Variants in LUZP2 observed in about 807,000 individuals in gnomAD.
LUZP2 encodes the protein leucine zipper protein 2.
LUZP2 carries 52 observed loss-of-function variants against 51.6 expected under a neutral mutation model. The ratio of observed to expected loss-of-function variants is 1.01; its 90% CI spans 0.81 to 1.27. The LOEUF is 1.27. LUZP2 is among the 50% of genes most tolerant of loss of function. The pLI is 0.00. For missense variants in LUZP2, 436 were observed against 395.4 expected (o/e 1.10, Z -0.87); for synonymous variants, 154 against 137.3 (o/e 1.12, Z -0.85).
chr11:24,875,305 A>G (rs920932930), intron 5 of LUZP2, among the ~76,000 whole-genome samples: 11 of 145,524 alleles, frequency 7.6e-5, no homozygotes, highest in African/African-American at 2.8e-4. Flanking sequence ...TCCTGTGTCC[A>G]TGTGTTCTCA....
chr11:24,561,449 G>A (rs982678075), intron 1 of LUZP2, among the ~76,000 whole-genome samples: 1 of 151,986 alleles, frequency 6.6e-6, no homozygotes, highest in Non-Finnish European at 1.5e-5. Flanking sequence ...CTCAGTACAA[G>A]AACTAGAATT....
At chr11:24,956,729 G>A (rs1855223085) in intron 7 of LUZP2, among the ~76,000 whole-genome samples, 1 of 152,060 alleles carries the variant, frequency 6.6e-6, no homozygotes, top group African/African-American at 2.4e-5. Flanking sequence ...AGGCTGGGAA[G>A]TAGTGAGAAA....
intron 5 of LUZP2, among the ~76,000 whole-genome samples, chr11:24,792,802 T>A (rs995818712): frequency 6.6e-6 from 1 of 152,202 alleles, no homozygotes; most frequent in Admixed American, 6.5e-5. Context: ...ATCCACACCC[T>A]GGTTCTCCCT....
chr11:24,837,436 G>A (rs568600818), intron 5 of LUZP2, among the ~76,000 whole-genome samples: 5 of 151,542 alleles, frequency 3.3e-5, no homozygotes, highest in East Asian at 1.9e-4. Context: ...AGAATGCTGC[G>A]ATCTTTAACT....
Position 25,051,817 on chromosome 11 carries a change from C to A in LUZP2, c.858+1687C>A, listed in dbSNP as rs544735080. Among the ~76,000 whole-genome samples, 4 of 152,214 alleles carry A rather than the reference C, an allele frequency of 2.6e-5. No homozygotes were observed. In the South Asian group the frequency reaches 8.3e-4, roughly 32 times the overall value. ...CATAAAAACATGTTCTCATTGGAGG[C>A]AAAATAGAAAATTTATGTGTGGTTT... On this transcript the variant is annotated intron_variant, in intron 10 of 11. Transcript: ENST00000336930.
intron 1 of LUZP2, among the ~76,000 whole-genome samples, chr11:24,499,709 CT>C (rs1434435206): frequency 5.9e-5 from 9 of 152,140 alleles, no homozygotes; most frequent in Non-Finnish European, 1.2e-4. Context: ...TCTCACCTGT[CT>C]TTTATTGTCA....
chr11:25,020,711 C>T (rs7111742), intron 9 of LUZP2, among the ~76,000 whole-genome samples: 88,577 of 151,566 alleles, frequency 0.58, 27,072 homozygotes, highest in African/African-American at 0.77. Flanking sequence ...TTTGAATTCT[C>T]AGATTTTTTT....
Position 24,757,139 on chromosome 11 carries a change from A to G in LUZP2, c.334-6107A>G, listed in dbSNP as rs117794317. ...GAGAACATGTGTTTGTGTGTATATCATGAAGCTCTACAATTGATAATTTTA... is the reference window on the plus strand; with the variant it reads ...GAGAACATGTGTTTGTGTGTATATCGTGAAGCTCTACAATTGATAATTTTA... On this transcript the variant is annotated intron_variant, in intron 4 of 11. Transcript: ENST00000336930. Among the ~76,000 whole-genome samples the G allele has an allele frequency of 5.0e-3, 754 of 152,318 alleles. 4 individuals carry two copies. The highest frequency in any genetic ancestry group is 8.8e-3 in the Non-Finnish European group (596 of 68,032).
At chr11:25,003,962 T>A (rs541574133) in intron 9 of LUZP2, among the ~76,000 whole-genome samples, 200 of 152,324 alleles carry the variant, frequency 1.3e-3, no homozygotes, top group African/African-American at 4.7e-3. Context: ...TTACAGGCTG[T>A]CCCAGGATTC....
chr11:24,684,301 G>A (rs1235930659), intron 1 of LUZP2, among the ~76,000 whole-genome samples: 2 of 151,924 alleles, frequency 1.3e-5, no homozygotes, highest in African/African-American at 4.8e-5. Flanking sequence ...TTTAACCTAG[G>A]CCTCTAGATG....
At chr11:24,628,127 A>G (rs1458614275) in intron 1 of LUZP2, among the ~76,000 whole-genome samples, 1 of 152,044 alleles carries the variant, frequency 6.6e-6, no homozygotes, top group Non-Finnish European at 1.5e-5. Flanking sequence ...TAAGATGCGT[A>G]CTTTTAAATT....
chr11:24,852,876 CA>C (rs959690938), intron 5 of LUZP2, among the ~76,000 whole-genome samples: 2 of 152,060 alleles, frequency 1.3e-5, no homozygotes, highest in African/African-American at 4.8e-5. Flanking sequence ...TCTGTTTTAT[CA>C]GATATTAGAA....
intron 1 of LUZP2, among the ~76,000 whole-genome samples, chr11:24,606,731 T>G (rs1000708639): frequency 1.3e-5 from 2 of 152,032 alleles, no homozygotes; most frequent in African/African-American, 4.8e-5. Flanking sequence ...CTTCATACTG[T>G]TTTTCGTATT....
intron 1 of LUZP2, among the ~76,000 whole-genome samples, chr11:24,546,358 C>A (rs72874832): frequency 6.6e-6 from 1 of 151,972 alleles, no homozygotes; most frequent in African/African-American, 2.4e-5. Flanking sequence ...CTGTCTGTTG[C>A]CAGTTTTCAA....
chr11:24,549,714 C>T (rs1342580635), intron 1 of LUZP2, among the ~76,000 whole-genome samples: 5 of 151,990 alleles, frequency 3.3e-5, no homozygotes, highest in African/African-American at 1.2e-4. Flanking sequence ...TATGAGACTA[C>T]CATCGTATAT....
At chr11:24,892,361 A>G in intron 5 of LUZP2, 1 of 985,338 alleles carries the variant, frequency 1.0e-6, no homozygotes, top group Non-Finnish European at 1.2e-6. Flanking sequence ...ACTGGAGTAG[A>G]TGACCTAAAA....
intron 1 of LUZP2, among the ~76,000 whole-genome samples, chr11:24,503,027 A>T (rs1160201352): frequency 6.6e-6 from 1 of 151,588 alleles, no homozygotes. Context: ...TAGTATTGAC[A>T]TTTTTTTTTA....
At chr11:24,829,047 C>T (rs1264243832) in intron 5 of LUZP2, among the ~76,000 whole-genome samples, 1 of 152,090 alleles carries the variant, frequency 6.6e-6, no homozygotes, top group Non-Finnish European at 1.5e-5. Context: ...TGTTAGTTTC[C>T]TTCAGGAAAA....
chr11:24,944,567 G>A (rs77872639), intron 7 of LUZP2, among the ~76,000 whole-genome samples: 3,020 of 152,260 alleles, frequency 0.02, 95 homozygotes, highest in African/African-American at 0.064. Context: ...TTTTAGAGGT[G>A]TTTGGGGACA....
Sources: gnomAD v4.1 joint callset for allele counts (sites outside exome capture counted in the v4.1 genomes callset) on GRCh38, gnomAD v4.1.1 for gene constraint, MANE v1.5 for transcripts, NCBI Gene and HGNC (gene_info 2026-07-23, HGNC 2026-07-21) for gene names.